Variants in HDAC9 observed in about 807,000 individuals in gnomAD.
HDAC9 encodes the protein histone deacetylase 9, also known as MEF-2 interacting transcription repressor (MITR) protein.
A neutral mutation model predicts 139.4 loss-of-function variants in HDAC9; 41 were observed. The observed-to-expected ratio is 0.29, with a 90% confidence interval of 0.23 to 0.38. HDAC9 has a LOEUF of 0.38. Ranked by LOEUF, HDAC9 falls within the 10% of genes least tolerant of loss-of-function variation. HDAC9 has a pLI of 1.00. For missense variants in HDAC9, 1,147 were observed against 1,297.0 expected, an observed-to-expected ratio of 0.88 and a Z score of 1.78; for synonymous variants, 517 against 476.2, an observed-to-expected ratio of 1.09 and a Z score of -1.12.
intron 24 of HDAC9, among the ~76,000 whole-genome samples, chr7:18,958,859 A>T: frequency 6.6e-6 from 1 of 152,194 alleles, no homozygotes; most frequent in East Asian, 1.9e-4. Context: ...ACAACCCACA[A>T]GGATGAGTCA....
chr7:18,216,127 T>A (rs575137732), intron 2 of HDAC9, among the ~76,000 whole-genome samples: 293 of 131,874 alleles, frequency 2.2e-3, no homozygotes, highest in South Asian at 4.4e-3. Flanking sequence ...TGTGTGTGTG[T>A]GTGAGAGAGA....
chr7:18,534,335 G>C (rs1810126471), intron 2 of HDAC9, among the ~76,000 whole-genome samples: 1 of 152,052 alleles, frequency 6.6e-6, no homozygotes, highest in Non-Finnish European at 1.5e-5. Flanking sequence ...CAGGAGGGCT[G>C]TTTGAGACCA....
At chr7:18,100,924 GT>G (rs1399319646) in intron 1 of HDAC9, among the ~76,000 whole-genome samples, 1 of 152,006 alleles carries the variant, frequency 6.6e-6, no homozygotes, top group Non-Finnish European at 1.5e-5. Flanking sequence ...TTCAGGTCTT[GT>G]TTTTAAGATT....
chr7:18,373,686 G>C (rs1024986801), intron 1 of HDAC9, among the ~76,000 whole-genome samples: 1 of 152,084 alleles, frequency 6.6e-6, no homozygotes, highest in Non-Finnish European at 1.5e-5. Context: ...TGAAACTAAA[G>C]AAGCTTTGAA....
chr7:18,732,929 GTATGTATGTGTATA>G (rs1562893686), intron 13 of HDAC9, among the ~76,000 whole-genome samples: 1 of 92,114 alleles, frequency 1.1e-5, no homozygotes, highest in Admixed American at 9.9e-5. Context: ...ACACACGTGT[GTATGTATGTGTATA>G]CACACGTGTA....
chr7:18,601,218 T>A (rs60871887), intron 6 of HDAC9, among the ~76,000 whole-genome samples: 4,373 of 152,304 alleles, frequency 0.029, 156 homozygotes, highest in African/African-American at 0.081. Flanking sequence ...TTTCCTAATT[T>A]TTTTGGTATT....
Position 18,590,276 on chromosome 7 carries a change from C to T in HDAC9, c.265-60C>T, listed in dbSNP as rs371452132. The T allele has an allele frequency of 9.7e-6, 15 of 1,554,328 alleles. No homozygotes were observed. The African/African-American group carries it at 1.1e-4, about 11-fold the overall frequency. On this transcript the variant is annotated intron_variant, in intron 3 of 25. Transcript: ENST00000686413. ...AAGCTCATAACATTTCAGTTTTGGTCAGTGATGACTATGAAGCCTAAAGAA... is the reference window on the plus strand; with the variant it reads ...AAGCTCATAACATTTCAGTTTTGGTTAGTGATGACTATGAAGCCTAAAGAA...
In HDAC9 at chr7:18,966,565, G is replaced by C. The variant is rs574153908; in HGVS notation, c.3023-9241G>C. Among the ~76,000 whole-genome samples, 8 of 152,246 alleles carry C rather than the reference G, an allele frequency of 5.3e-5. No individual in the cohort carries two copies. In the South Asian group the frequency reaches 1.7e-3, roughly 32 times the overall value. ...AAAATACAAAAATTAGCTGGGCATG[G>C]TGATGTGCACCTGTAATCGCAGCTA... is the stretch of plus-strand genomic sequence containing the variant. On this transcript the variant is annotated intron_variant, in intron 24 of 25. Transcript: ENST00000686413.
chr7:18,100,142 T>G (rs1782753606), intron 1 of HDAC9, among the ~76,000 whole-genome samples: 1 of 152,162 alleles, frequency 6.6e-6, no homozygotes. Flanking sequence ...GTTACTTCAC[T>G]GTTTTATCAT....
intron 1 of HDAC9, among the ~76,000 whole-genome samples, chr7:18,400,061 G>A (rs1787396380): frequency 6.6e-6 from 1 of 152,172 alleles, no homozygotes. Flanking sequence ...ATTTGGAGAG[G>A]TTATGGGTGA....
intron 2 of HDAC9, among the ~76,000 whole-genome samples, chr7:18,193,202 A>G (rs1188745438): frequency 6.6e-6 from 1 of 152,186 alleles, no homozygotes; most frequent in African/African-American, 2.4e-5. Context: ...GGGGAAAAGA[A>G]CAGAATATTT....
chr7:18,403,374 C>T (rs1358793315), intron 1 of HDAC9, among the ~76,000 whole-genome samples: 7 of 152,122 alleles, frequency 4.6e-5, no homozygotes, highest in African/African-American at 1.7e-4. Flanking sequence ...GAAGGCAGAA[C>T]AGGTTTAACT....
chr7:18,921,611 C>T (rs1473118065), intron 22 of HDAC9, among the ~76,000 whole-genome samples: 1 of 152,130 alleles, frequency 6.6e-6, no homozygotes, highest in Non-Finnish European at 1.5e-5. Context: ...GAAATAGGAA[C>T]ACTTTTACAC....
intron 1 of HDAC9, among the ~76,000 whole-genome samples, chr7:18,094,600 T>C (rs1032253781): frequency 6.6e-6 from 1 of 151,900 alleles, no homozygotes; most frequent in African/African-American, 2.4e-5. Context: ...CCTGGCTAAT[T>C]AAAAAAAATT....
At chr7:18,159,237 A>G (rs1787444859) in intron 1 of HDAC9, among the ~76,000 whole-genome samples, 1 of 152,176 alleles carries the variant, frequency 6.6e-6, no homozygotes, top group African/African-American at 2.4e-5. Flanking sequence ...GATAATCTGT[A>G]TTTACAAACA....
chr7:18,940,672 A>G (rs994932860), intron 23 of HDAC9, among the ~76,000 whole-genome samples: 2 of 152,186 alleles, frequency 1.3e-5, no homozygotes, highest in Non-Finnish European at 2.9e-5. Context: ...AGGTTCCCAG[A>G]AAATCTGATT....
intron 12 of HDAC9, among the ~76,000 whole-genome samples, chr7:18,683,403 A>G (rs534526340): frequency 6.6e-6 from 1 of 152,204 alleles, no homozygotes; most frequent in African/African-American, 2.4e-5. Context: ...AACTGTGATC[A>G]AAACCTACAT....
At chr7:18,748,471 T>C in intron 13 of HDAC9, among the ~76,000 whole-genome samples, 1 of 152,130 alleles carries the variant, frequency 6.6e-6, no homozygotes, top group Non-Finnish European at 1.5e-5. Flanking sequence ...AAAGAAACTG[T>C]TTTTGAACAA....
chr7:18,400,264 T>A (rs1237521454), intron 1 of HDAC9, among the ~76,000 whole-genome samples: 1 of 152,198 alleles, frequency 6.6e-6, no homozygotes, highest in African/African-American at 2.4e-5. Context: ...GGTAAAAGCA[T>A]GCGATGTGTA....
Sources: allele counts gnomAD v4.1 joint callset (sites outside exome capture counted in the v4.1 genomes callset), GRCh38; gene constraint gnomAD v4.1.1; transcripts MANE v1.5; gene names NCBI Gene and HGNC (gene_info 2026-07-23, HGNC 2026-07-21).